SHISA9: variants seen among roughly 807,000 people sequenced by gnomAD.
SHISA9 encodes the protein shisa family member 9, also known as protein shisa-9.
In SHISA9, 13 loss-of-function variants were observed where a neutral mutation model predicts 38.0. That is an observed-to-expected ratio of 0.34 (90% CI 0.22 to 0.54). SHISA9 has a LOEUF of 0.54. SHISA9 is among the 20% of genes least tolerant of loss of function. The pLI is 0.91. For missense variants in SHISA9, 538 were observed against 575.8 expected (o/e 0.93, Z 0.67); for synonymous variants, 275 against 242.0 (o/e 1.14, Z -1.27).
chr16:13,165,577 C>T (rs1378125404), intron 2 of SHISA9, among the ~76,000 whole-genome samples: 1 of 152,218 alleles, frequency 6.6e-6, no homozygotes, highest in Non-Finnish European at 1.5e-5. Context: ...GTTACCTGTT[C>T]TCTGATACGT....
the SHISA9 span, among the ~76,000 whole-genome samples, chr16:13,321,845 A>G: frequency 2.6e-5 from 4 of 152,210 alleles, no homozygotes; most frequent in Non-Finnish European, 5.9e-5. Flanking sequence ...GTGATCTTTG[A>G]ACAAACACTT....
chr16:13,148,073 T>G (rs766396943), intron 2 of SHISA9, among the ~76,000 whole-genome samples: 2 of 152,156 alleles, frequency 1.3e-5, no homozygotes, highest in African/African-American at 4.8e-5. Flanking sequence ...CTCAGGACTC[T>G]GCAACTGTCT....
the SHISA9 span, among the ~76,000 whole-genome samples, chr16:13,412,621 C>A: frequency 1.3e-5 from 2 of 152,078 alleles, no homozygotes; most frequent in Non-Finnish European, 2.9e-5. Flanking sequence ...CTTTGGGAGT[C>A]TGAGGCAGAC....
At chr16:13,420,565 G>A in the SHISA9 span, among the ~76,000 whole-genome samples, 2 of 152,118 alleles carry the variant, frequency 1.3e-5, no homozygotes, top group African/African-American at 2.4e-5. Context: ...GGGGGGTAAG[G>A]AAAGGCAAGA....
At chr16:13,494,996 T>G in the SHISA9 span, among the ~76,000 whole-genome samples, 1 of 152,220 alleles carries the variant, frequency 6.6e-6, no homozygotes. Context: ...TACTGTATGA[T>G]TGCATTTATG....
At chr16:13,014,569 T>C (rs1458893047) in intron 2 of SHISA9, among the ~76,000 whole-genome samples, 1 of 152,214 alleles carries the variant, frequency 6.6e-6, no homozygotes, top group Non-Finnish European at 1.5e-5. Context: ...GGTTATTCCT[T>C]CTGACTCCAG....
chr16:13,385,035 C>G, the SHISA9 span, among the ~76,000 whole-genome samples: 3 of 151,946 alleles, frequency 2.0e-5, no homozygotes, highest in Non-Finnish European at 4.4e-5. Context: ...GACAGTTTAC[C>G]AAAGAAGATA....
At chr16:13,047,622 C>A (rs978323458) in intron 2 of SHISA9, among the ~76,000 whole-genome samples, 3 of 152,074 alleles carry the variant, frequency 2.0e-5, no homozygotes, top group East Asian at 1.9e-4. Context: ...TGCAGAAGAG[C>A]AATAAATACA....
chr16:13,360,935 C>G, the SHISA9 span, among the ~76,000 whole-genome samples: 33 of 152,176 alleles, frequency 2.2e-4, no homozygotes, highest in African/African-American at 8.0e-4. Context: ...GTCCCCTTCA[C>G]CAGCTTTTCA....
the SHISA9 span, among the ~76,000 whole-genome samples, chr16:13,262,466 A>T: frequency 1.3e-5 from 2 of 152,164 alleles, no homozygotes; most frequent in African/African-American, 4.8e-5. Flanking sequence ...AAGGCTTATC[A>T]GGTTGTATCA....
At chr16:13,068,177 G>C (rs1244636254) in intron 2 of SHISA9, among the ~76,000 whole-genome samples, 1 of 152,070 alleles carries the variant, frequency 6.6e-6, no homozygotes, top group African/African-American at 2.4e-5. Flanking sequence ...CCATGGTGTG[G>C]GTGTTCTTAA....
At chr16:13,441,497 T>C in the SHISA9 span, among the ~76,000 whole-genome samples, 2 of 152,116 alleles carry the variant, frequency 1.3e-5, no homozygotes, top group Non-Finnish European at 2.9e-5. Context: ...AACATCTAAA[T>C]CCCCCAGCCT....
At chr16:13,492,064 C>A in the SHISA9 span, among the ~76,000 whole-genome samples, 42,995 of 151,326 alleles carry the variant, frequency 0.28, 6,702 homozygotes, top group East Asian at 0.37. Context: ...TTTGTCCCTA[C>A]CCACCTCACT....
intron 2 of SHISA9, among the ~76,000 whole-genome samples, chr16:13,178,426 C>T (rs2050750038): frequency 6.6e-6 from 1 of 152,064 alleles, no homozygotes; most frequent in Non-Finnish European, 1.5e-5. Flanking sequence ...TTCTGCCTCC[C>T]ATCTTGGGCC....
chr16:13,555,233 A>G, the SHISA9 span, among the ~76,000 whole-genome samples: 3 of 152,316 alleles, frequency 2.0e-5, no homozygotes, highest in South Asian at 6.2e-4. Flanking sequence ...CACTTTATAA[A>G]TTTTAACTAT....
chr16:13,138,142 C>T (rs1291934670), intron 2 of SHISA9, among the ~76,000 whole-genome samples: 1 of 152,152 alleles, frequency 6.6e-6, no homozygotes, highest in Non-Finnish European at 1.5e-5. Context: ...AGTGGCTGTG[C>T]TCTAGGACTT....
chr16:13,077,075 T>C (rs2073590976), intron 2 of SHISA9, among the ~76,000 whole-genome samples: 2 of 152,290 alleles, frequency 1.3e-5, no homozygotes, highest in South Asian at 4.1e-4. Context: ...ACCTCACAGA[T>C]GCCAAGGGCA....
the SHISA9 span, among the ~76,000 whole-genome samples, chr16:13,441,747 A>C: frequency 6.6e-6 from 1 of 152,122 alleles, no homozygotes; most frequent in Non-Finnish European, 1.5e-5. Flanking sequence ...TAGCCTGTCA[A>C]ACCTGGTGCC....
intron 1 of SHISA9, among the ~76,000 whole-genome samples, chr16:12,914,662 CT>C (rs1567337215): frequency 2.6e-5 from 4 of 152,154 alleles, no homozygotes; most frequent in African/African-American, 9.6e-5. Context: ...TAATCTCTGT[CT>C]CACAGCCGAG....
Sources: allele counts gnomAD v4.1 joint callset (sites outside exome capture counted in the v4.1 genomes callset), GRCh38; gene constraint gnomAD v4.1.1; transcripts MANE v1.5; gene names NCBI Gene and HGNC (gene_info 2026-07-23, HGNC 2026-07-21).